RANBP17: variants seen among roughly 807,000 people sequenced by gnomAD.
The protein encoded by RANBP17 is ran-binding protein 17.
Under a neutral mutation model 141.2 loss-of-function variants are expected in RANBP17, and 158 were observed. The observed-to-expected ratio is 1.12, with a 90% CI of 0.98 to 1.28. The LOEUF is 1.28. RANBP17 is among the 50% of genes most tolerant of loss of function. RANBP17 has a pLI of 0.00. For synonymous variants in RANBP17, 430 were observed against 450.0 expected (o/e 0.96, Z 0.56); for missense variants, 1,438 against 1,290.7 (o/e 1.11, Z -1.75).
intron 14 of RANBP17, among the ~76,000 whole-genome samples, chr5:171,094,508 G>T (rs995381482): frequency 6.6e-6 from 1 of 151,948 alleles, no homozygotes; most frequent in Admixed American, 6.6e-5. Context: ...ATTTAAGGTG[G>T]GTTTGTCCTT....
At chr5:171,277,655 ATATATATATATATT>A (rs1314176226) in intron 25 of RANBP17, among the ~76,000 whole-genome samples, 2 of 132,010 alleles carry the variant, frequency 1.5e-5, no homozygotes, top group African/African-American at 5.6e-5. Flanking sequence ...ATATATATAT[ATATATATATATATT>A]TATGTCTTAC....
chr5:170,869,077 T>C (rs1350297245), intron 1 of RANBP17, among the ~76,000 whole-genome samples: 3 of 152,192 alleles, frequency 2.0e-5, no homozygotes. Flanking sequence ...TCCCTTTTTA[T>C]CTTGGATGGC....
intron 14 of RANBP17, among the ~76,000 whole-genome samples, chr5:171,155,094 A>AAAAAAAAAT (rs34090443): frequency 1.3e-5 from 1 of 74,988 alleles, no homozygotes; most frequent in African/African-American, 5.2e-5. Flanking sequence ...AAAAAAAAAA[A>AAAAAAAAAT]ATATATATAT....
At chr5:171,145,658 T>C (rs1290020513) in intron 14 of RANBP17, among the ~76,000 whole-genome samples, 17 of 152,090 alleles carry the variant, frequency 1.1e-4, no homozygotes. Flanking sequence ...ATTACACAAC[T>C]TCAAGAAGGC....
intron 14 of RANBP17, among the ~76,000 whole-genome samples, chr5:170,998,465 T>TGTGC (rs1778982600): frequency 6.6e-6 from 1 of 152,222 alleles, no homozygotes; most frequent in Admixed American, 6.5e-5. Context: ...GGTTAGACTC[T>TGTGC]ACATTGTCAC....
At chr5:171,250,855 G>A (rs1256633559) in intron 24 of RANBP17, among the ~76,000 whole-genome samples, 1 of 152,184 alleles carries the variant, frequency 6.6e-6, no homozygotes, top group African/African-American at 2.4e-5. Context: ...GACTAAATTT[G>A]AAGAGACACA....
chr5:171,086,892 T>C, intron 14 of RANBP17, among the ~76,000 whole-genome samples: 2 of 144,064 alleles, frequency 1.4e-5, no homozygotes, highest in African/African-American at 5.2e-5. Context: ...CTATCAATTT[T>C]GTTGATCCTT....
chr5:171,095,894 G>C lies in RANBP17; in HGVS notation c.1711-74236G>C, dbSNP rs117775735. Among the ~76,000 whole-genome samples, 320 of 152,226 alleles carry C rather than the reference G, an allele frequency of 2.1e-3. 9 individuals carry two copies. In the East Asian group the frequency reaches 0.058, roughly 27 times the overall value. ...ATTAACACACATTTTAGTGTTGTAT[G>C]TATTTGTACTATGTATGCCCTTAAA... On this transcript the variant is annotated intron_variant, in intron 14 of 27. Coordinates refer to ENST00000523189, the MANE Select transcript of RANBP17 (RefSeq NM_022897.5).
At chr5:171,018,999 C>T (rs1000951170) in intron 14 of RANBP17, among the ~76,000 whole-genome samples, 1 of 152,246 alleles carries the variant, frequency 6.6e-6, no homozygotes, top group African/African-American at 2.4e-5. Flanking sequence ...TTCTTTTCTG[C>T]ATCTATTGAG....
intron 12 of RANBP17, among the ~76,000 whole-genome samples, chr5:170,949,937 A>G (rs1303038189): frequency 6.6e-6 from 1 of 152,208 alleles, no homozygotes; most frequent in African/African-American, 2.4e-5. Flanking sequence ...AAAACCCATA[A>G]GTCGTATGTT....
At chr5:171,048,013 A>G (rs796564762) in intron 14 of RANBP17, among the ~76,000 whole-genome samples, 4 of 152,142 alleles carry the variant, frequency 2.6e-5, no homozygotes, top group African/African-American at 7.2e-5. Flanking sequence ...CTTTTGGGCT[A>G]TCTTTTTTCC....
At chr5:171,122,651 C>CTCCTGCAG (rs1756122514) in intron 14 of RANBP17, among the ~76,000 whole-genome samples, 1 of 152,216 alleles carries the variant, frequency 6.6e-6, no homozygotes, top group African/African-American at 2.4e-5. Flanking sequence ...CCACTGCAGA[C>CTCCTGCAG]TCCTGCAGTC....
chr5:171,025,577 C>A (rs1224670762), intron 14 of RANBP17, among the ~76,000 whole-genome samples: 1 of 137,970 alleles, frequency 7.2e-6, no homozygotes, highest in East Asian at 2.0e-4. Flanking sequence ...TTTTTTTTTT[C>A]TTTTTTTCTT....
intron 14 of RANBP17, among the ~76,000 whole-genome samples, chr5:171,023,340 A>G (rs1432775062): frequency 2.0e-5 from 3 of 152,156 alleles, no homozygotes; most frequent in African/African-American, 7.2e-5. Context: ...TATTGTTCTT[A>G]TAGATTTTAC....
chr5:171,271,903 TG>T (rs1466406409), intron 25 of RANBP17, among the ~76,000 whole-genome samples: 1 of 152,170 alleles, frequency 6.6e-6, no homozygotes, highest in African/African-American at 2.4e-5. Context: ...ATTGGCAAAA[TG>T]TAAGTGCTTC....
At chr5:171,179,666 T>A (rs1168096570) in intron 16 of RANBP17, among the ~76,000 whole-genome samples, 1 of 152,168 alleles carries the variant, frequency 6.6e-6, no homozygotes, top group Non-Finnish European at 1.5e-5. Context: ...CTAAATGAAA[T>A]TTTTTCACGT....
intron 25 of RANBP17, among the ~76,000 whole-genome samples, chr5:171,275,752 A>ATTTT (rs774871586): frequency 1.3e-5 from 2 of 152,196 alleles, no homozygotes; most frequent in African/African-American, 4.8e-5. Flanking sequence ...AATACTCAAA[A>ATTTT]GTCAAGTTCG....
At chr5:171,063,450 C>T (rs1561610523) in intron 14 of RANBP17, among the ~76,000 whole-genome samples, 1 of 152,362 alleles carries the variant, frequency 6.6e-6, no homozygotes, top group East Asian at 1.9e-4. Context: ...GCCTGGGTAT[C>T]AGCAGCAGTG....
intron 25 of RANBP17, among the ~76,000 whole-genome samples, chr5:171,293,400 G>A (rs992783035): frequency 6.6e-6 from 1 of 152,212 alleles, no homozygotes; most frequent in Non-Finnish European, 1.5e-5. Context: ...AACAGCCTAA[G>A]CCAGCAGGAA....
Sources: allele counts gnomAD v4.1 joint callset (sites outside exome capture counted in the v4.1 genomes callset), GRCh38; gene constraint gnomAD v4.1.1; transcripts MANE v1.5; gene names NCBI Gene and HGNC (gene_info 2026-07-23, HGNC 2026-07-21).